Variants in OGDH observed in about 807,000 individuals in gnomAD.
OGDH encodes 2-oxoglutarate dehydrogenase complex component E1.
In OGDH, 38 loss-of-function variants were observed where a neutral mutation model predicts 116.6. The observed-to-expected ratio is 0.33, with a 90% CI of 0.25 to 0.43. The LOEUF (loss-of-function observed/expected upper bound fraction) is 0.43. OGDH is among the 20% of genes least tolerant of loss of function. The pLI is 1.00. For missense variants in OGDH, 825 were observed against 1,357.2 expected (o/e 0.61, Z 6.16); for synonymous variants, 488 against 533.3 (o/e 0.92, Z 1.17).
chr7:44,616,808 C>CGTATATATACAT lies in OGDH; in HGVS notation c.-27-7509_-27-7508insGTATATATACAT, dbSNP rs1554296539. On this transcript the variant is annotated intron_variant, in intron 1 of 22. Coordinates refer to ENST00000222673, the MANE Select transcript of OGDH (RefSeq NM_002541.4). ...GCATATATATATGTGTATATATATG[C>CGTATATATACAT]ATATATACGTATATATGTGTATATA... Among the ~76,000 whole-genome samples the CGTATATATACAT allele has an allele frequency of 1.5e-3, 207 of 136,078 alleles. 1 individual carries two copies. The highest frequency in any genetic ancestry group is 5.7e-3 in the African/African-American group (203 of 35,864). 89.3% of individuals were successfully genotyped at this position (136,078 alleles called of 152,430 possible).
intron 1 of OGDH, among the ~76,000 whole-genome samples, chr7:44,607,352 C>G (rs1684665562): frequency 6.6e-6 from 1 of 152,176 alleles, no homozygotes; most frequent in Non-Finnish European, 1.5e-5. Context: ...GAGTTGTAAT[C>G]TACTGAGATT....
At position 44,708,869 on chromosome 7, in the gene OGDH, A is replaced by T. The variant is rs1172160840; in HGVS notation, c.*870A>T. On this transcript the variant is annotated 3_prime_UTR_variant, in exon 23 of 23. Coordinates refer to ENST00000222673, the MANE Select transcript of OGDH (RefSeq NM_002541.4). The stretch of plus-strand genomic sequence containing the variant: ...GATGCATCGTTTTCTTTGCTGTGCC[A>T]AAGCAGGTCAGAAGAGGGAGAGGAG... 1 of 152,194 alleles carries T rather than the reference A, an allele frequency of 6.6e-6. No individual in the cohort carries two copies. Among genetic ancestry groups the T allele is most frequent in the Non-Finnish European group, 1.5e-5 (1 of 68,028 alleles). 9.4% of individuals were successfully genotyped at this position (152,194 alleles called of 1,614,324 possible).
chr7:44,707,332 C>A lies in OGDH; in HGVS notation c.2740C>A (p.Arg914=). The change falls in exon 21 of 23, where the codon CGG becomes AGG. Residue 914 remains arginine, a synonymous_variant. Transcript: ENST00000222673. The surrounding 1 kb of genome is among the most constrained non-coding windows in gnomAD (Gnocchi z 5.2). ...CGGCAAAGTGTATTATGACCTCACC[C>A]GGGAGCGCAAAGCACGCGACATGGT... ...CTGKVYYDLT[R]ERKARDMVGQ... 1 of 1,614,236 alleles carries A rather than the reference C, an allele frequency of 6.2e-7. No individual in the cohort carries two copies. Among genetic ancestry groups the A allele is most frequent in the East Asian group, 2.2e-5 (1 of 44,882 alleles).
chr7:44,697,912 T>C lies in OGDH; in HGVS notation c.2358+130T>C. ...CTAAGGACTCTGCTGGTGCTTCCCA[T>C]CCATCTCAGATGGGATGTCACTTCA... On this transcript the variant is annotated intron_variant, in intron 17 of 22. Coordinates refer to ENST00000222673, the MANE Select transcript of OGDH (RefSeq NM_002541.4). This position sits in a 1 kb window ranked among gnomAD's most constrained non-coding sequence, Gnocchi z 6.0. The C allele has an allele frequency of 8.8e-7, 1 of 1,142,494 alleles. No individual in the cohort carries two copies. Among genetic ancestry groups the C allele is most frequent in the Non-Finnish European group, 1.2e-6 (1 of 825,076 alleles). 70.8% of individuals were successfully genotyped at this position (1,142,494 alleles called of 1,614,324 possible). A position where few individuals can be genotyped will look rare whatever the true frequency, so the allele number is the denominator to read the frequency against.
chr7:44,688,776 C>T (rs1788243212), intron 10 of OGDH, among the ~76,000 whole-genome samples: 1 of 151,928 alleles, frequency 6.6e-6, no homozygotes, highest in East Asian at 1.9e-4. Flanking sequence ...GCCACCTACT[C>T]TCCTCTCTGT....
At chr7:44,632,667 G>C (rs1417485431) in intron 2 of OGDH, among the ~76,000 whole-genome samples, 2 of 151,904 alleles carry the variant, frequency 1.3e-5, no homozygotes, top group African/African-American at 4.8e-5. Flanking sequence ...ACACAGGCTA[G>C]AGTGCAATGG....
intron 2 of OGDH, among the ~76,000 whole-genome samples, chr7:44,633,410 C>T (rs1785531641): frequency 6.6e-6 from 1 of 152,138 alleles, no homozygotes; most frequent in African/African-American, 2.4e-5. Flanking sequence ...CAGAGGCAGG[C>T]TCAGCTTCCC....
intron 2 of OGDH, among the ~76,000 whole-genome samples, chr7:44,632,726 C>T (rs1449446158): frequency 6.6e-6 from 1 of 152,086 alleles, no homozygotes; most frequent in Non-Finnish European, 1.5e-5. Context: ...TCAAGTGATT[C>T]ACCTGCCTCA....
At chr7:44,654,125 G>C (rs1313081498) in intron 4 of OGDH, among the ~76,000 whole-genome samples, 1 of 152,254 alleles carries the variant, frequency 6.6e-6, no homozygotes, top group Non-Finnish European at 1.5e-5. Context: ...AAAGTGCTGG[G>C]ATTATAGGCA....
intron 13 of OGDH, 81 bp from the exon 14 acceptor site, chr7:44,696,348 C>A (rs1029852058): frequency 6.5e-7 from 1 of 1,538,294 alleles, no homozygotes; most frequent in Non-Finnish European, 8.8e-7. Flanking sequence ...CCTGCTTCTC[C>A]CCAAAATCAC....
intron 4 of OGDH, among the ~76,000 whole-genome samples, chr7:44,655,449 G>C (rs544942722): frequency 6.6e-6 from 1 of 152,254 alleles, no homozygotes; most frequent in Admixed American, 6.5e-5. Flanking sequence ...CTGTTTCTTG[G>C]GGTCTGAGTC....
At chr7:44,645,100 G>C (rs573346483) in intron 2 of OGDH, among the ~76,000 whole-genome samples, 2 of 152,290 alleles carry the variant, frequency 1.3e-5, no homozygotes, top group Middle Eastern at 3.4e-3. Context: ...AGCTGTGGGG[G>C]TCAGAAAGTG....
chr7:44,706,054 C>T (rs1789056415), intron 20 of OGDH, among the ~76,000 whole-genome samples: 1 of 152,240 alleles, frequency 6.6e-6, no homozygotes, highest in Non-Finnish European at 1.5e-5. Flanking sequence ...GTGATTCTCC[C>T]ACCAAAGCCT....
chr7:44,612,931 AG>A (rs1332863549), intron 1 of OGDH, among the ~76,000 whole-genome samples: 1 of 147,954 alleles, frequency 6.8e-6, no homozygotes, highest in Non-Finnish European at 1.5e-5. Flanking sequence ...CCCAGGCTGG[AG>A]TGCAGTGGCG....
intron 1 of OGDH, among the ~76,000 whole-genome samples, chr7:44,614,980 G>T (rs917625660): frequency 1.3e-5 from 2 of 152,010 alleles, no homozygotes; most frequent in African/African-American, 4.8e-5. Context: ...ACAGGCATGT[G>T]CCACCATGCC....
intron 19 of OGDH, among the ~76,000 whole-genome samples, chr7:44,701,325 A>G (rs1216934139): frequency 6.6e-6 from 1 of 152,204 alleles, no homozygotes; most frequent in Non-Finnish European, 1.5e-5. Context: ...GGGCCCTGCC[A>G]GGAGTGGATA....
intron 5 of OGDH, among the ~76,000 whole-genome samples, chr7:44,670,730 G>A (rs946075830): frequency 1.3e-5 from 2 of 152,140 alleles, no homozygotes; most frequent in African/African-American, 4.8e-5. Context: ...GGTTTGTGGG[G>A]CTGGGCGTGG....
intron 8 of OGDH, 60 bp downstream of exon 8, chr7:44,675,328 T>A: frequency 7.4e-7 from 1 of 1,345,408 alleles, no homozygotes; most frequent in South Asian, 1.2e-5. Context: ...GACCCCTGGC[T>A]CCACTTCTTT....
intron 13 of OGDH, 24 bp from the exon 14 acceptor site, chr7:44,696,405 C>T (rs766194345): frequency 1.2e-6 from 2 of 1,606,364 alleles, no homozygotes; most frequent in Admixed American, 3.4e-5. Flanking sequence ...AGATGTCATG[C>T]CTCAGTTGTT....
Sources: allele counts gnomAD v4.1 joint callset (sites outside exome capture counted in the v4.1 genomes callset), GRCh38; gene constraint gnomAD v4.1.1; non-coding constraint Gnocchi (gnomAD v3.1); transcripts MANE v1.5; gene names NCBI Gene and HGNC (gene_info 2026-07-23, HGNC 2026-07-21).